ARHGEF7: variants seen among roughly 807,000 people sequenced by gnomAD.
The protein encoded by ARHGEF7 is PAK-interacting exchange factor beta.
Under a neutral mutation model 109.8 loss-of-function variants are expected in ARHGEF7, and 33 were observed. The ratio of observed to expected loss-of-function variants is 0.30; its 90% CI spans 0.23 to 0.40. The LOEUF is 0.40. Ranked by LOEUF, ARHGEF7 falls within the 10% of genes least tolerant of loss-of-function variation. ARHGEF7 has a pLI of 1.00. For synonymous variants in ARHGEF7, 458 were observed against 424.6 expected (o/e 1.08, Z -0.97); for missense variants, 938 against 1,098.5 (o/e 0.85, Z 2.07).
chr13:111,177,858 T>C (rs2078317489), intron 2 of ARHGEF7, among the ~76,000 whole-genome samples: 1 of 152,258 alleles, frequency 6.6e-6, no homozygotes, highest in African/African-American at 2.4e-5. Flanking sequence ...TATATGTTGT[T>C]ATTTTCTAAA....
chr13:111,261,942 A>G (rs1406585263), intron 8 of ARHGEF7, among the ~76,000 whole-genome samples: 1 of 152,214 alleles, frequency 6.6e-6, no homozygotes, highest in East Asian at 1.9e-4. Context: ...CAGCATACCA[A>G]AACCTATGGG....
chr13:111,241,302 A>G (rs929890197), intron 6 of ARHGEF7: 1 of 1,536,088 alleles, frequency 6.5e-7, no homozygotes, highest in Non-Finnish European at 8.7e-7. Flanking sequence ...TGCAGCAGCC[A>G]GAGCGTGCAG....
chr13:111,177,185 G>C (rs925248432), intron 2 of ARHGEF7, among the ~76,000 whole-genome samples: 1 of 152,242 alleles, frequency 6.6e-6, no homozygotes, highest in Admixed American at 6.5e-5. Context: ...GGGAGAAACG[G>C]AGGTATTGAG....
intron 5 of ARHGEF7, 45 bp downstream of exon 5, chr13:111,217,925 A>G: frequency 6.5e-7 from 1 of 1,546,024 alleles, no homozygotes; most frequent in Non-Finnish European, 8.8e-7. Context: ...TGCGATGAGC[A>G]GAAAGAAGTA....
chr13:111,300,369 C>T (rs1390037952), intron 19 of ARHGEF7, among the ~76,000 whole-genome samples: 1 of 152,132 alleles, frequency 6.6e-6, no homozygotes, highest in Non-Finnish European at 1.5e-5. Context: ...TGTATATGTT[C>T]TGATTGGTCT....
At chr13:111,296,220 A>G (rs2093424643) in intron 19 of ARHGEF7, among the ~76,000 whole-genome samples, 1 of 150,928 alleles carries the variant, frequency 6.6e-6, no homozygotes, top group Non-Finnish European at 1.5e-5. Context: ...ACGAAGTTCC[A>G]TAGTTCTCTA....
intron 11 of ARHGEF7, among the ~76,000 whole-genome samples, chr13:111,275,184 CT>C (rs2092406532): frequency 6.6e-6 from 1 of 152,146 alleles, no homozygotes; most frequent in East Asian, 1.9e-4. Context: ...TCTGTTTCTT[CT>C]TTTCAGTCTT....
chr13:111,268,298 C>G (rs1384719566), intron 9 of ARHGEF7, among the ~76,000 whole-genome samples: 1 of 152,008 alleles, frequency 6.6e-6, no homozygotes, highest in Non-Finnish European at 1.5e-5. Context: ...CACACCGGGG[C>G]TTAGAGAGCT....
In ARHGEF7 at chr13:111,292,226, A is replaced by G; in HGVS notation, c.2243A>G (p.Asp748Gly). 6.2e-7 allele frequency: 1 copy of G among 1,614,058 alleles called. No individual in the cohort carries two copies. ...AGCCTTTCTCGTTTGGAGCCTTCAG[A>G]CCTCTCGGAAGACTCTGACTATGAC... ...RSSLSRLEPS[D>G]LSEDSDYDSI... The change falls in exon 19 of 22, where the codon GAC becomes GGC. Residue 748 changes from aspartate to glycine, a missense_variant. By Grantham distance (94) the Asp-to-Gly change is moderately conservative. Around this residue, in one of 4 missense-constraint regions of ARHGEF7, gnomAD observed 166 missense variants for 167.3 expected, o/e 0.99. Transcript: ENST00000646102.
intron 1 of ARHGEF7, among the ~76,000 whole-genome samples, chr13:111,137,211 T>G (rs1280910866): frequency 1.3e-5 from 2 of 152,218 alleles, no homozygotes; most frequent in Non-Finnish European, 2.9e-5. Context: ...TTCCAATCAA[T>G]GGAAAAGAGA....
chr13:111,127,649 A>G (rs1340319223), intron 1 of ARHGEF7, among the ~76,000 whole-genome samples: 6 of 98,216 alleles, frequency 6.1e-5, no homozygotes, highest in Admixed American at 1.0e-4. Flanking sequence ...TCTGTTTCAG[A>G]AAAAAAAAAA....
rs2090685377 is a variant in ARHGEF7, at chr13:111,258,331, C to T, written c.951-9217C>T. On this transcript the variant is annotated intron_variant, in intron 8 of 21. Coordinates refer to ENST00000646102, the MANE Select transcript of ARHGEF7 (RefSeq NM_001354046.2). The surrounding 1 kb of genome is among the most constrained non-coding windows in gnomAD (Gnocchi z 4.4). ...CAACCACAGGCAGTGCAGCCTGCAC[C>T]TCCAGGAGAGACTCCTTCCTTCTGC... Among the ~76,000 whole-genome samples the T allele has an allele frequency of 6.6e-6, 1 of 152,246 alleles. No individual in the cohort carries two copies. The highest frequency in any genetic ancestry group is 1.5e-5 in the Non-Finnish European group (1 of 68,046).
Position 111,239,123 on chromosome 13 carries a change from C to T in ARHGEF7, c.760-4749C>T, listed in dbSNP as rs902925738. On this transcript the variant is annotated intron_variant, in intron 6 of 21. Transcript: ENST00000646102. The surrounding 1 kb of genome is among the most constrained non-coding windows in gnomAD (Gnocchi z 4.3). The stretch of plus-strand genomic sequence containing the variant: ...GCATAGGGGAACGCGCTGCGTGCCC[C>T]TGCTCCCCCACACCCCCGTGCCATG... Among the ~76,000 whole-genome samples the T allele has an allele frequency of 6.6e-6, 1 of 152,144 alleles. No individual in the cohort carries two copies. Among genetic ancestry groups the T allele is most frequent in the African/African-American group, 2.4e-5 (1 of 41,434 alleles).
At chr13:111,179,673 C>G (rs1466261709) in intron 2 of ARHGEF7, among the ~76,000 whole-genome samples, 1 of 152,162 alleles carries the variant, frequency 6.6e-6, no homozygotes, top group Non-Finnish European at 1.5e-5. Context: ...TCATGCATTA[C>G]ATCTGGTTTG....
intron 5 of ARHGEF7, 143 bp downstream of exon 5, chr13:111,218,023 T>C: frequency 1.2e-6 from 1 of 816,260 alleles, no homozygotes; most frequent in Non-Finnish European, 1.8e-6. Context: ...ATGTAATGGA[T>C]TTTCACCTCA....
rs2078278908 is a variant in ARHGEF7, at chr13:111,177,438, A to G, written c.252+23447A>G. ...GCTCAGGCGGGGTGTGAGATGTGCTATCAGTGGAGTCAGTGTGTTCTGAAT... is the reference window on the plus strand; with the variant it reads ...GCTCAGGCGGGGTGTGAGATGTGCTGTCAGTGGAGTCAGTGTGTTCTGAAT... On this transcript the variant is annotated intron_variant, in intron 2 of 21. Transcript: ENST00000646102. 2.0e-5 allele frequency among the ~76,000 whole-genome samples: 3 copies of G among 152,196 alleles called. No homozygotes were observed. The South Asian group carries it at 6.2e-4, about 31-fold the overall frequency.
At chr13:111,199,613 G>T (rs910746981) in intron 2 of ARHGEF7, among the ~76,000 whole-genome samples, 1 of 152,174 alleles carries the variant, frequency 6.6e-6, no homozygotes, top group Non-Finnish European at 1.5e-5. Flanking sequence ...TGTTAGTTCA[G>T]GAGGTAAACT....
At chr13:111,202,495 A>C (rs1362608817) in intron 2 of ARHGEF7, among the ~76,000 whole-genome samples, 1 of 152,134 alleles carries the variant, frequency 6.6e-6, no homozygotes, top group Admixed American at 6.5e-5. Context: ...GAGACAATGG[A>C]ATATGGTTTG....
At chr13:111,190,106 C>A (rs938886790) in intron 2 of ARHGEF7, among the ~76,000 whole-genome samples, 4 of 152,140 alleles carry the variant, frequency 2.6e-5, no homozygotes, top group Admixed American at 6.5e-5. Flanking sequence ...TGTCCAGGGG[C>A]CCTTGGTAGA....
Sources: gnomAD v4.1 joint callset for allele counts (sites outside exome capture counted in the v4.1 genomes callset) on GRCh38, gnomAD v4.1.1 for gene constraint, gnomAD v4.1.1 regional missense constraint, Gnocchi (gnomAD v3.1) non-coding constraint, MANE v1.5 for transcripts, NCBI Gene and HGNC (gene_info 2026-07-23, HGNC 2026-07-21) for gene names.